Variants in ARHGAP24 observed in about 807,000 individuals in gnomAD.
ARHGAP24 encodes the protein Rho GTPase activating protein 24.
Under a neutral mutation model 76.4 loss-of-function variants are expected in ARHGAP24, and 50 were observed. That is an observed-to-expected ratio of 0.65 (90% CI 0.52 to 0.83). ARHGAP24 has a LOEUF of 0.83. ARHGAP24 is among the 40% of genes least tolerant of loss of function. ARHGAP24 has a pLI of 0.00. For synonymous variants in ARHGAP24, 345 were observed against 323.3 expected (o/e 1.07, Z -0.72); for missense variants, 930 against 914.2 (o/e 1.02, Z -0.22).
intron 2 of ARHGAP24, among the ~76,000 whole-genome samples, chr4:85,665,880 G>A (rs1315492405): frequency 3.3e-5 from 5 of 152,240 alleles, no homozygotes. Context: ...TCTGCCAAGA[G>A]ATCTGCTGTT....
intron 5 of ARHGAP24, among the ~76,000 whole-genome samples, chr4:85,949,211 G>A (rs1451284049): frequency 6.6e-6 from 1 of 152,058 alleles, no homozygotes; most frequent in East Asian, 1.9e-4. Flanking sequence ...CACTGGCTGC[G>A]CAGACTCTGC....
chr4:85,662,993 T>G (rs1461933653), intron 2 of ARHGAP24, among the ~76,000 whole-genome samples: 1 of 151,674 alleles, frequency 6.6e-6, no homozygotes, highest in Non-Finnish European at 1.5e-5. Flanking sequence ...ATTGACTTGG[T>G]GATGCGGGCT....
intron 1 of ARHGAP24, among the ~76,000 whole-genome samples, chr4:85,513,936 G>A (rs911875125): frequency 6.6e-6 from 1 of 151,418 alleles, no homozygotes; most frequent in Non-Finnish European, 1.5e-5. Context: ...TGTCATGACA[G>A]GGGTCCTAAT....
At chr4:85,558,811 G>T (rs1726487220) in intron 1 of ARHGAP24, among the ~76,000 whole-genome samples, 1 of 152,182 alleles carries the variant, frequency 6.6e-6, no homozygotes, top group Non-Finnish European at 1.5e-5. Flanking sequence ...GGAGAAAATT[G>T]GAGAGTTCAT....
chr4:85,915,200 A>G (rs1735310884), intron 3 of ARHGAP24, among the ~76,000 whole-genome samples: 1 of 152,204 alleles, frequency 6.6e-6, no homozygotes, highest in Non-Finnish European at 1.5e-5. Context: ...AACATAATAC[A>G]TTATATCATT....
At chr4:85,618,857 T>G (rs1720619787) in intron 2 of ARHGAP24, among the ~76,000 whole-genome samples, 1 of 152,102 alleles carries the variant, frequency 6.6e-6, no homozygotes, top group South Asian at 2.1e-4. Context: ...TTTGAATTTC[T>G]TATATGTTTT....
At chr4:85,964,964 C>A (rs528151207) in intron 5 of ARHGAP24, among the ~76,000 whole-genome samples, 1 of 152,004 alleles carries the variant, frequency 6.6e-6, no homozygotes, top group Non-Finnish European at 1.5e-5. Flanking sequence ...GATAAACTAG[C>A]ATTGAAAGGG....
At chr4:85,620,649 A>G (rs952276534) in intron 2 of ARHGAP24, among the ~76,000 whole-genome samples, 2 of 151,044 alleles carry the variant, frequency 1.3e-5, no homozygotes, top group African/African-American at 4.9e-5. Context: ...TATTTCATTT[A>G]TTTCTGCTCT....
chr4:85,626,905 G>T (rs1222594686), intron 2 of ARHGAP24, among the ~76,000 whole-genome samples: 1 of 152,068 alleles, frequency 6.6e-6, no homozygotes, highest in Non-Finnish European at 1.5e-5. Flanking sequence ...TGTAGCTCTC[G>T]TGCCTTGGTT....
chr4:85,480,439 T>C (rs900950599), intron 1 of ARHGAP24, among the ~76,000 whole-genome samples: 2 of 152,178 alleles, frequency 1.3e-5, no homozygotes, highest in Non-Finnish European at 2.9e-5. Context: ...AAGCTTTTTG[T>C]ATGACATGGT....
chr4:85,827,518 T>TGTGTGTGTGTGTGTGTG (rs1368669294), intron 3 of ARHGAP24, among the ~76,000 whole-genome samples: 8 of 57,930 alleles, frequency 1.4e-4, no homozygotes, highest in Non-Finnish European at 2.0e-4. Flanking sequence ...GTGTGTGTGT[T>TGTGTGTGTGTGTGTGTG]TAGAGAGAGA....
At chr4:85,644,839 G>A (rs530830687) in intron 2 of ARHGAP24, among the ~76,000 whole-genome samples, 1 of 152,014 alleles carries the variant, frequency 6.6e-6, no homozygotes, top group Non-Finnish European at 1.5e-5. Flanking sequence ...ATTATATATA[G>A]ATGTTGCAAG....
At chr4:85,919,345 G>A (rs958130681) in intron 3 of ARHGAP24, among the ~76,000 whole-genome samples, 5 of 152,150 alleles carry the variant, frequency 3.3e-5, no homozygotes. Context: ...TTAGAACTGA[G>A]GGGTTATGCA....
chr4:85,584,558 T>A (rs199792963), intron 2 of ARHGAP24, among the ~76,000 whole-genome samples: 11 of 151,808 alleles, frequency 7.2e-5, no homozygotes, highest in Non-Finnish European at 1.0e-4. Context: ...AACCTGCACA[T>A]TGTGCACATG....
intron 2 of ARHGAP24, among the ~76,000 whole-genome samples, chr4:85,679,620 C>T (rs1723127255): frequency 6.6e-6 from 1 of 152,144 alleles, no homozygotes; most frequent in Non-Finnish European, 1.5e-5. Context: ...ACAGCTAATT[C>T]CAGTGTCCTC....
chr4:85,520,464 C>T (rs1430677997), intron 1 of ARHGAP24, among the ~76,000 whole-genome samples: 1 of 152,148 alleles, frequency 6.6e-6, no homozygotes. Flanking sequence ...GATTGCCAGT[C>T]CTGTTGTGTG....
chr4:85,577,547 G>A (rs1032846201), intron 2 of ARHGAP24, among the ~76,000 whole-genome samples: 5 of 152,172 alleles, frequency 3.3e-5, no homozygotes, highest in African/African-American at 1.2e-4. Context: ...GCTGGACTTG[G>A]AGCCTAGATT....
intron 3 of ARHGAP24, among the ~76,000 whole-genome samples, chr4:85,739,614 CTTTTTTTTTT>C (rs1185155863): frequency 1.3e-4 from 1 of 7,462 alleles, no homozygotes; most frequent in African/African-American, 1.4e-4. Flanking sequence ...CACGTTCAAT[CTTTTTTTTTT>C]TTTTTTTTTT....
intron 3 of ARHGAP24, among the ~76,000 whole-genome samples, chr4:85,897,986 CATATAT>C (rs112904597): frequency 6.9e-6 from 1 of 145,000 alleles, no homozygotes; most frequent in Non-Finnish European, 1.5e-5. Flanking sequence ...CTAATACACA[CATATAT>C]ATATATATAT....
Sources: allele counts gnomAD v4.1 joint callset (sites outside exome capture counted in the v4.1 genomes callset), GRCh38; gene constraint gnomAD v4.1.1; transcripts MANE v1.5; gene names NCBI Gene and HGNC (gene_info 2026-07-23, HGNC 2026-07-21).